The following KLRG1 variants were observed in gnomAD, a reference collection of about 807,000 sequenced individuals.
KLRG1 encodes killer cell lectin like receptor G1.
A neutral mutation model predicts 21.8 loss-of-function variants in KLRG1; 16 were observed. The ratio of observed to expected loss-of-function variants is 0.73; its 90% CI spans 0.50 to 1.11. KLRG1 has a LOEUF of 1.11. Among genes scored for constraint, KLRG1 ranks in the 50% most tolerant of loss-of-function variants. KLRG1 has a pLI of 0.00. For missense variants in KLRG1, 173 were observed against 218.3 expected, an observed-to-expected ratio of 0.79 and a Z score of 1.31; for synonymous variants, 69 against 75.9, an observed-to-expected ratio of 0.91 and a Z score of 0.47.
chr12:9,025,285 G>A, the KLRG1 span, among the ~76,000 whole-genome samples: 129 of 152,294 alleles, frequency 8.5e-4, no homozygotes, highest in Admixed American at 2.2e-3. Context: ...ATAGAAGACA[G>A]TAACACATTT....
chr12:9,193,718 A>AGT, the KLRG1 span, among the ~76,000 whole-genome samples: 28 of 151,918 alleles, frequency 1.8e-4, no homozygotes, highest in South Asian at 1.0e-3. Context: ...GTGTATATTA[A>AGT]GTGTGTGTGT....
the KLRG1 span, among the ~76,000 whole-genome samples, chr12:9,080,906 T>C: frequency 6.6e-6 from 1 of 152,086 alleles, no homozygotes; most frequent in South Asian, 2.1e-4. Context: ...AAAGGACAAA[T>C]GGCTAAGCAA....
chr12:8,982,837 C>T (rs755372936), intron 1 of KLRG1, among the ~76,000 whole-genome samples: 18 of 151,822 alleles, frequency 1.2e-4, no homozygotes, highest in South Asian at 6.3e-4. Context: ...GTAGAGATAG[C>T]GTTTCACCAT....
At chr12:9,078,197 A>T in the KLRG1 span, among the ~76,000 whole-genome samples, 2 of 151,856 alleles carry the variant, frequency 1.3e-5, no homozygotes, top group African/African-American at 4.8e-5. Context: ...CCGTCACCCC[A>T]CACCTCCCAA....
At chr12:9,001,407 G>A (rs768158245) in intron 3 of KLRG1, among the ~76,000 whole-genome samples, 7 of 152,070 alleles carry the variant, frequency 4.6e-5, no homozygotes, top group East Asian at 3.9e-4. Context: ...GGCCTTGACC[G>A]CTCTGTGACC....
chr12:9,091,098 A>G, the KLRG1 span: 2 of 1,324,418 alleles, frequency 1.5e-6, no homozygotes, highest in Non-Finnish European at 2.1e-6. Context: ...ATGAATATCT[A>G]GTAAGCATAT....
At chr12:9,023,697 A>G in the KLRG1 span, among the ~76,000 whole-genome samples, 1 of 151,816 alleles carries the variant, frequency 6.6e-6, no homozygotes, top group African/African-American at 2.4e-5. Flanking sequence ...CTGGAACCAC[A>G]GGTGAATGCC....
the KLRG1 span, among the ~76,000 whole-genome samples, chr12:9,181,649 A>T: frequency 6.6e-6 from 1 of 152,242 alleles, no homozygotes; most frequent in Admixed American, 6.5e-5. Context: ...TATCTCTGAC[A>T]CATGATAAGG....
the KLRG1 span, among the ~76,000 whole-genome samples, chr12:9,121,832 A>T: frequency 3.9e-5 from 6 of 152,238 alleles, no homozygotes; most frequent in African/African-American, 1.4e-4. The surrounding 1 kb of genome is among the most constrained non-coding windows in gnomAD (Gnocchi z 4.4). Context: ...ATACATTTCA[A>T]ATTTATAGAT....
intron 1 of KLRG1, among the ~76,000 whole-genome samples, chr12:8,959,201 A>G (rs4883203): frequency 0.8 from 122,309 of 152,122 alleles, 49,591 homozygotes; most frequent in Admixed American, 0.84. Flanking sequence ...ACCCGCCATT[A>G]CTTAGCTTGT....
chr12:9,047,135 T>C, the KLRG1 span, among the ~76,000 whole-genome samples: 3 of 152,248 alleles, frequency 2.0e-5, no homozygotes, highest in Admixed American at 2.0e-4. Context: ...ATTACAGGCA[T>C]GAGACACCAC....
intron 4 of KLRG1, 70 bp from the exon 5 acceptor site, chr12:9,009,356 C>A: frequency 6.4e-7 from 1 of 1,569,394 alleles, no homozygotes. Flanking sequence ...TCATTTTTAT[C>A]CCTTCATGCC....
At chr12:9,022,813 A>C in the KLRG1 span, among the ~76,000 whole-genome samples, 2 of 152,136 alleles carry the variant, frequency 1.3e-5, no homozygotes, top group Non-Finnish European at 2.9e-5. Context: ...CAATGATGTA[A>C]TCAATTATGC....
the KLRG1 span, among the ~76,000 whole-genome samples, chr12:9,056,865 G>A: frequency 6.6e-6 from 1 of 152,154 alleles, no homozygotes. Flanking sequence ...TTCATTTGCT[G>A]TTTAAAGACC....
At chr12:9,196,888 A>G in the KLRG1 span, 1 of 842,094 alleles carries the variant, frequency 1.2e-6, no homozygotes, top group East Asian at 2.5e-5. Flanking sequence ...AAGAACAGAA[A>G]TTCGTTTTTT....
chr12:9,079,798 C>A, the KLRG1 span: 1 of 1,609,474 alleles, frequency 6.2e-7, no homozygotes, highest in Admixed American at 1.7e-5. Flanking sequence ...TTTTGCATGG[C>A]AGAGCCTAAT....
chr12:9,166,227 T>C, the KLRG1 span: 5 of 1,604,666 alleles, frequency 3.1e-6, no homozygotes, highest in Non-Finnish European at 4.2e-6. Flanking sequence ...AATTGTCTAG[T>C]TAGGGAAAAA....
chr12:9,091,952 A>ATT, the KLRG1 span, among the ~76,000 whole-genome samples: 1 of 152,214 alleles, frequency 6.6e-6, no homozygotes, highest in Non-Finnish European at 1.5e-5. Context: ...TAGCTGATGT[A>ATT]TTTATGTTAA....
the KLRG1 span, chr12:9,165,482 G>T: frequency 8.4e-7 from 1 of 1,185,902 alleles, no homozygotes; most frequent in Non-Finnish European, 1.2e-6. Flanking sequence ...AAGGGTATAT[G>T]CGAGTGTGCA....
Sources: allele counts gnomAD v4.1 joint callset (sites outside exome capture counted in the v4.1 genomes callset), GRCh38; gene constraint gnomAD v4.1.1; non-coding constraint Gnocchi (gnomAD v3.1); transcripts MANE v1.5; gene names NCBI Gene and HGNC (gene_info 2026-07-23, HGNC 2026-07-21).